GMPPA: variants seen among roughly 807,000 people sequenced by gnomAD.
The protein encoded by GMPPA is GDP-mannose pyrophosphorylase A.
In GMPPA, 46 loss-of-function variants were observed where a neutral mutation model predicts 58.6. The ratio of observed to expected loss-of-function variants is 0.78; its 90% CI spans 0.62 to 1.00. The LOEUF (loss-of-function observed/expected upper bound fraction) is 1.00. GMPPA is among the 50% of genes least tolerant of loss of function. The pLI is 0.00. For missense variants in GMPPA, 468 were observed against 556.4 expected (o/e 0.84, Z 1.60); for synonymous variants, 211 against 214.9 (o/e 0.98, Z 0.16).
chr2:219,505,971 T>C lies in GMPPA; in HGVS notation c.901-9T>C. On this transcript the variant is annotated splice_polypyrimidine_tract_variant and intron_variant, in intron 10 of 12. Coordinates refer to ENST00000313597, the MANE Select transcript of GMPPA (RefSeq NM_013335.4). ...CTCCAGGGCTTATGGTGTGTGCTTC[T>C]CTCCACAGCTGGGCCCCAACGTCTC... The C allele has an allele frequency of 6.4e-7, 1 of 1,551,040 alleles. No homozygotes were observed. The highest frequency in any genetic ancestry group is 2.3e-5 in the East Asian group (1 of 42,624).
chr2:219,499,830 G>C, intron 1 of GMPPA, 126 bp from the exon 2 acceptor site: 3 of 741,126 alleles, frequency 4.0e-6, no homozygotes, highest in Non-Finnish European at 7.4e-6. Context: ...GAGGTGTTGG[G>C]TCCAGGCAGA....
Position 219,501,459 on chromosome 2 carries a change from T to G in GMPPA, c.139-17T>G. 7.1e-7 allele frequency: 1 copy of G among 1,398,632 alleles called. No homozygotes were observed. Among genetic ancestry groups the G allele is most frequent in the Non-Finnish European group, 1.0e-6 (1 of 983,368 alleles). 86.6% of individuals were successfully genotyped at this position (1,398,632 alleles called of 1,614,324 possible). A position where few individuals can be genotyped will look rare whatever the true frequency, so the allele number is the denominator to read the frequency against. On this transcript the variant is annotated splice_polypyrimidine_tract_variant and intron_variant, in intron 3 of 12. Coordinates refer to ENST00000313597, the MANE Select transcript of GMPPA (RefSeq NM_013335.4). ...CTATTAGATATTCTTCATCCCAGCC[T>G]CTTCCCTTGTCCTCAGGTCCCTGGA...
intron 1 of GMPPA, 84 bp from the exon 2 acceptor site, chr2:219,499,872 G>A: frequency 1.0e-6 from 1 of 991,804 alleles, no homozygotes; most frequent in Non-Finnish European, 1.6e-6. Context: ...TACATCTTGG[G>A]AGAGGGCTAA....
In GMPPA at chr2:219,500,009, C is replaced by G. The variant is rs746993934; in HGVS notation, c.34C>G (p.Gln12Glu). 1 of 1,613,428 alleles carries G rather than the reference C, an allele frequency of 6.2e-7. No individual in the cohort carries two copies. Among genetic ancestry groups the G allele is most frequent in the South Asian group, 1.1e-5 (1 of 91,038 alleles). ...AGCGGTGATCCTGATTGGAGGCCCTCAAAAGGGTGAGGTGCCAGGGGAATG... is the reference window on the plus strand; with the variant it reads ...AGCGGTGATCCTGATTGGAGGCCCTGAAAAGGGTGAGGTGCCAGGGGAATG... ...LKAVILIGGP[Q>E]KGTRFRPLSF... Residue 12 changes from glutamine to glutamate, a missense_variant, in exon 2 of 13, where the codon CAA (glutamine) becomes GAA (glutamate). Transcript: ENST00000313597.
chr2:219,506,425 A>G lies in GMPPA; in HGVS notation c.1162+3A>G, dbSNP rs199779641. 9.9e-6 allele frequency: 16 copies of G among 1,610,074 alleles called. No homozygotes were observed. The highest frequency in any genetic ancestry group is 1.2e-5 in the Non-Finnish European group (14 of 1,178,478). On this transcript the variant is annotated splice_donor_region_variant and intron_variant, in intron 12 of 12. Coordinates refer to ENST00000313597, the MANE Select transcript of GMPPA (RefSeq NM_013335.4). ...GCTGCCTGCTATCACCATCCTGGGT[A>G]TGGCTTCCTGGGGGCCAGGGCTGGG...
chr2:219,506,327 C>A lies in GMPPA; in HGVS notation c.1067C>A (p.Thr356Asn), dbSNP rs183317929. 29 of 1,613,364 alleles carry A rather than the reference C, an allele frequency of 1.8e-5. No individual in the cohort carries two copies. In the East Asian group the frequency reaches 6.2e-4, roughly 35 times the overall value. Residue 356 changes from threonine to asparagine, a missense_variant, in exon 12 of 13, where the codon ACC (threonine) becomes AAC (asparagine). By Grantham distance (65) the Thr-to-Asn change is moderately conservative (BLOSUM62 0). Coordinates refer to ENST00000313597, the MANE Select transcript of GMPPA (RefSeq NM_013335.4). ...TVGRWARVEG[T>N]PSDPNPNDPR... The stretch of plus-strand genomic sequence containing the variant: ...GGACGCTGGGCCCGCGTGGAGGGTA[C>A]CCCCAGTGACCCTAACCCCAACGAT...
chr2:219,506,272 C>T lies in GMPPA; in HGVS notation c.1012C>T (p.His338Tyr), dbSNP rs933878468. 5 of 1,612,728 alleles carry T rather than the reference C, an allele frequency of 3.1e-6. No individual in the cohort carries two copies. The African/African-American group carries it at 6.7e-5, about 22-fold the overall frequency. ...TTGGCAGGAGCACACGTGTGTTCTG[C>T]ATAGCATCGTGGGCTGGGGGAGCAC... is the stretch of plus-strand genomic sequence containing the variant. Reference protein sequence around the residue: ...ATLQEHTCVLHSIVGWGSTVG... With the variant: ...ATLQEHTCVLYSIVGWGSTVG... Residue 338 changes from histidine (H) to tyrosine (Y), a missense_variant, in exon 12 of 13, where the codon CAT becomes TAT. By Grantham distance (83) the His-to-Tyr change is moderately conservative (BLOSUM62 2). Transcript: ENST00000313597.
In GMPPA at chr2:219,505,334, G is replaced by T; in HGVS notation, c.727G>T (p.Gly243Cys). Residue 243 changes from glycine to cysteine, a missense_variant, in exon 8 of 13, where the codon GGT becomes TGT. Physicochemically the swap from Gly to Cys is radical, Grantham distance 159 (BLOSUM62 -3). Coordinates refer to ENST00000313597, the MANE Select transcript of GMPPA (RefSeq NM_013335.4). ...QGQIYVHLTD[G>C]IWSQIKSAGS... ...CCAGATATACGTGCATCTCACTGAT[G>T]GTATCTGGAGTCAGATCAAGTCCGC... 1 of 1,613,944 alleles carries T rather than the reference G, an allele frequency of 6.2e-7. No homozygotes were observed.
chr2:219,505,259 G>A lies in GMPPA; in HGVS notation c.652G>A (p.Gly218Ser), dbSNP rs1312865819. The A allele has an allele frequency of 6.2e-7, 1 of 1,614,084 alleles. No individual in the cohort carries two copies. Among genetic ancestry groups the A allele is most frequent in the South Asian group, 1.1e-5 (1 of 91,078 alleles). The stretch of plus-strand genomic sequence containing the variant: ...CTCACCAGGCTTGTGGCCAGGGGCA[G>A]GTACCATCCGCCTAGAGCAGGATGT... ...EDSPGLWPGA[G>S]TIRLEQDVFS... Residue 218 changes from glycine to serine, a missense_variant, in exon 8 of 13, where the codon GGT (glycine) becomes AGT (serine). Transcript: ENST00000313597.
At chr2:219,501,828 G>C (rs759474217) in intron 4 of GMPPA, 23 bp from the exon 5 acceptor site, 2 of 1,610,068 alleles carry the variant, frequency 1.2e-6, no homozygotes, top group South Asian at 1.1e-5. Context: ...CCACTGAGCT[G>C]GCTCTCGGGT....
At chr2:219,500,250 C>A in intron 3 of GMPPA, 32 bp downstream of exon 3, 1 of 1,156,674 alleles carries the variant, frequency 8.6e-7, no homozygotes, top group Non-Finnish European at 1.3e-6. Context: ...TCTCACCTCA[C>A]TTCCTGCTTA....
intron 1 of GMPPA, chr2:219,499,730 T>C (rs1334104808): frequency 1.7e-6 from 1 of 597,296 alleles, no homozygotes; most frequent in African/African-American, 1.9e-5. Flanking sequence ...GGGGGAGGGC[T>C]AAGTGCTGCT....
At chr2:219,501,083 G>C (rs1290301436) in intron 3 of GMPPA, 1 of 168,804 alleles carries the variant, frequency 5.9e-6, no homozygotes, top group African/African-American at 2.4e-5. Context: ...AGCTAGATGT[G>C]ATGGCCTGGC....
intron 7 of GMPPA, chr2:219,505,023 G>A: frequency 1.2e-6 from 1 of 849,572 alleles, no homozygotes; most frequent in Non-Finnish European, 1.7e-6. Flanking sequence ...GCTCCCTTGT[G>A]ATAGCACCCA....
intron 12 of GMPPA, 124 bp downstream of exon 12, chr2:219,506,546 G>A: frequency 2.7e-6 from 3 of 1,108,098 alleles, no homozygotes; most frequent in Non-Finnish European, 3.9e-6. Flanking sequence ...CCAAGGGCCT[G>A]CTGTGTGCCA....
chr2:219,500,114 C>A lies in GMPPA; in HGVS notation c.41-7C>A. On this transcript the variant is annotated splice_polypyrimidine_tract_variant and splice_region_variant and intron_variant, in intron 2 of 12. Transcript: ENST00000313597. Reference sequence around the variant, plus strand: ...AGGCCGAAATGTTCTCCTCTCTCCTCTCCCAGGAACTCGCTTCAGACCTTT... The same window carrying A: ...AGGCCGAAATGTTCTCCTCTCTCCTATCCCAGGAACTCGCTTCAGACCTTT... The A allele has an allele frequency of 6.2e-7, 1 of 1,605,554 alleles. No homozygotes were observed. The highest frequency in any genetic ancestry group is 1.1e-5 in the South Asian group (1 of 90,328).
At chr2:219,500,615 C>T in intron 3 of GMPPA, 1 of 245,828 alleles carries the variant, frequency 4.1e-6, no homozygotes, top group Non-Finnish European at 8.1e-6. Context: ...TGAATTCAGT[C>T]TCTGCCTGCT....
intron 3 of GMPPA, 139 bp from the exon 4 acceptor site, chr2:219,501,337 T>C (rs1694382634): frequency 1.5e-6 from 1 of 658,112 alleles, no homozygotes; most frequent in Non-Finnish European, 2.8e-6. Context: ...GAGGAGAAAA[T>C]AGCCCAGAGT....
intron 3 of GMPPA, chr2:219,500,708 TG>T (rs1694359405): frequency 5.6e-6 from 1 of 178,700 alleles, no homozygotes; most frequent in Admixed American, 5.4e-5. Flanking sequence ...CCTACCTTGT[TG>T]GGTGGTGAAG....
Sources: gnomAD v4.1 joint callset for allele counts on GRCh38, gnomAD v4.1.1 for gene constraint, MANE v1.5 for transcripts, NCBI Gene and HGNC (gene_info 2026-07-23, HGNC 2026-07-21) for gene names.